UBR3: variants seen among roughly 807,000 people sequenced by gnomAD.
The protein encoded by UBR3 is ubiquitin protein ligase E3 component n-recognin 3, also known as E3 ubiquitin-protein ligase UBR3.
Under a neutral mutation model 243.2 loss-of-function variants are expected in UBR3, and 85 were observed. That is an observed-to-expected ratio of 0.35 (90% CI 0.29 to 0.42). UBR3 has a LOEUF of 0.42. UBR3 is among the 10% of genes least tolerant of loss of function. UBR3 has a pLI of 1.00. For missense variants in UBR3, 1,686 were observed against 2,300.8 expected (o/e 0.73, Z 5.47); for synonymous variants, 748 against 799.8 (o/e 0.94, Z 1.09).
chr2:170,001,532 A>G (rs948524856), intron 27 of UBR3, 118 bp downstream of exon 27: 4 of 632,322 alleles, frequency 6.3e-6, no homozygotes, highest in Non-Finnish European at 1.1e-5. Flanking sequence ...ATCATCGTAT[A>G]AACTATCCAG....
rs371218960 is a variant in UBR3, at chr2:170,018,024, A to T, written c.4453+2658A>T. Among the ~76,000 whole-genome samples, 16 of 152,292 alleles carry T rather than the reference A, an allele frequency of 1.1e-4. 1 individual carries two copies. Among genetic ancestry groups the T allele is most frequent in the Admixed American group, 6.5e-4 (10 of 15,288 alleles). On this transcript the variant is annotated intron_variant, in intron 30 of 38. Coordinates refer to ENST00000272793, the MANE Select transcript of UBR3 (RefSeq NM_172070.4). Reference sequence around the variant, plus strand: ...AATGTCAGAGCTTGCACTTGAGCCCAGCTCTTCTGACTCTAATTCAGTTAT... The same window carrying T: ...AATGTCAGAGCTTGCACTTGAGCCCTGCTCTTCTGACTCTAATTCAGTTAT...
chr2:169,877,172 G>T (rs1275913473), intron 3 of UBR3, among the ~76,000 whole-genome samples: 1 of 152,096 alleles, frequency 6.6e-6, no homozygotes, highest in Non-Finnish European at 1.5e-5. Flanking sequence ...TTACCTCTCT[G>T]ACTTTCTTTA....
Position 170,077,310 on chromosome 2 carries a change from C to T in UBR3, c.5200-2504C>T. ...TATTTTCCCCAAATAACCTTGCCTC[C>T]TTGTGTCACAAGGCCCAACTCACAT... is the stretch of plus-strand genomic sequence containing the variant. On this transcript the variant is annotated intron_variant, in intron 36 of 38. Coordinates refer to ENST00000272793, the MANE Select transcript of UBR3 (RefSeq NM_172070.4). 5 of 774,516 alleles carry T rather than the reference C, an allele frequency of 6.5e-6. No homozygotes were observed. In the South Asian group the frequency reaches 6.7e-5, roughly 10 times the overall value. The allele number at this position is 774,516 out of a possible 1,614,324, so 48.0% of individuals were successfully genotyped here. A position where few individuals can be genotyped will look rare whatever the true frequency, so the allele number is the denominator to read the frequency against.
At chr2:169,998,276 G>A (rs1198016337) in intron 26 of UBR3, among the ~76,000 whole-genome samples, 1 of 152,120 alleles carries the variant, frequency 6.6e-6, no homozygotes, top group Non-Finnish European at 1.5e-5. Context: ...TCTAATAAAT[G>A]GGAGCAAAAA....
At chr2:169,985,039 G>T (rs2088933916) in intron 24 of UBR3, among the ~76,000 whole-genome samples, 1 of 151,392 alleles carries the variant, frequency 6.6e-6, no homozygotes, top group African/African-American at 2.4e-5. Context: ...ATCTTTATGT[G>T]TGAGATAGGG....
intron 32 of UBR3, among the ~76,000 whole-genome samples, 155 bp downstream of exon 32, chr2:170,041,140 C>T (rs947218233): frequency 6.6e-6 from 1 of 152,066 alleles, no homozygotes; most frequent in Middle Eastern, 3.4e-3. Flanking sequence ...CACAGGAGCT[C>T]GAGACCAGCC....
chr2:169,980,881 GCA>G (rs1026493274), intron 24 of UBR3, among the ~76,000 whole-genome samples: 2 of 149,746 alleles, frequency 1.3e-5, no homozygotes, highest in African/African-American at 4.9e-5. Context: ...CAGGGAACAT[GCA>G]GGGTGGATCT....
chr2:170,081,268 G>A (rs1200978455), intron 38 of UBR3, among the ~76,000 whole-genome samples: 1 of 152,204 alleles, frequency 6.6e-6, no homozygotes, highest in Non-Finnish European at 1.5e-5. Flanking sequence ...GGAGGCCGAG[G>A]TGGGTGGATC....
At chr2:170,073,955 T>A (rs974377507) in intron 36 of UBR3, among the ~76,000 whole-genome samples, 1 of 152,154 alleles carries the variant, frequency 6.6e-6, no homozygotes, top group African/African-American at 2.4e-5. Context: ...TTAAAACAAA[T>A]TGGACTAGCA....
intron 7 of UBR3, among the ~76,000 whole-genome samples, chr2:169,896,035 G>A (rs574512097): frequency 2.6e-5 from 4 of 152,230 alleles, no homozygotes; most frequent in African/African-American, 4.8e-5. Flanking sequence ...GGTAGCTCAC[G>A]TCTGTAGTCC....
At chr2:170,035,229 T>A (rs1403717215) in intron 31 of UBR3, among the ~76,000 whole-genome samples, 1 of 152,044 alleles carries the variant, frequency 6.6e-6, no homozygotes. Context: ...TTTGGTGTTA[T>A]ATCTAAAAAG....
At chr2:170,006,451 G>A (rs924109938) in intron 27 of UBR3, among the ~76,000 whole-genome samples, 3 of 152,146 alleles carry the variant, frequency 2.0e-5, no homozygotes, top group Admixed American at 6.5e-5. Flanking sequence ...AAGTACTTGA[G>A]ATGCAAGATA....
At position 170,079,943 on chromosome 2, in the gene UBR3, G is replaced by A. The variant is rs1159013906; in HGVS notation, c.5329G>A (p.Ala1777Thr). The change falls in exon 37 of 39, where the codon GCT becomes ACT. Residue 1777 changes from alanine to threonine, a missense_variant. Ala to Thr is a moderately conservative substitution (Grantham distance 58). Transcript: ENST00000272793. ...CTGCACCAAGGTTCCTAAAGATCCT[G>A]CTGTTTGCCTTGTGTGTGGTACTTT... The part of the protein sequence containing the change: ...SVCTKVPKDP[A>T]VCLVCGTFVC... The A allele has an allele frequency of 6.2e-7, 1 of 1,614,078 alleles. No homozygotes were observed. The highest frequency in any genetic ancestry group is 1.7e-5 in the Admixed American group (1 of 60,012).
At chr2:169,944,903 G>A (rs888445760) in intron 20 of UBR3, among the ~76,000 whole-genome samples, 2 of 152,090 alleles carry the variant, frequency 1.3e-5, no homozygotes, top group Non-Finnish European at 2.9e-5. Context: ...AGCTGGTTGT[G>A]TGGCTGAGCC....
rs374788614 is a variant in UBR3, at chr2:169,994,346, G to A, written c.3808G>A (p.Val1270Ile). The change falls in exon 26 of 39, where the codon GTT becomes ATT. Residue 1270 changes from valine to isoleucine, a missense_variant. Physicochemically the swap from Val to Ile is conservative, Grantham distance 29. Transcript: ENST00000272793. Reference protein sequence around the residue: ...SSVLGQCRDNVEPKKLPISEE... With the variant: ...SSVLGQCRDNIEPKKLPISEE... ...AGTTTTGGGGCAGTGCCGTGACAAT[G>A]TTGAGCCAAAAAAGTTGCCGATCAG... 56 of 1,613,996 alleles carry A rather than the reference G, an allele frequency of 3.5e-5. No individual in the cohort carries two copies. Among genetic ancestry groups the A allele is most frequent in the Non-Finnish European group, 4.6e-5 (54 of 1,180,020 alleles).
At chr2:169,960,631 A>T (rs569976408) in intron 24 of UBR3, among the ~76,000 whole-genome samples, 1 of 152,170 alleles carries the variant, frequency 6.6e-6, no homozygotes, top group East Asian at 1.9e-4. Context: ...CTATTGTAGT[A>T]GTCAGTATCT....
intron 24 of UBR3, among the ~76,000 whole-genome samples, chr2:169,984,074 T>A (rs2088883871): frequency 6.6e-6 from 1 of 152,210 alleles, no homozygotes; most frequent in Admixed American, 6.5e-5. Context: ...TTACCTAGAT[T>A]GTAAATCATT....
At chr2:169,931,094 G>A (rs1020506074) in intron 18 of UBR3, among the ~76,000 whole-genome samples, 2 of 152,226 alleles carry the variant, frequency 1.3e-5, no homozygotes, top group African/African-American at 4.8e-5. Context: ...GCTCACGCCT[G>A]TAATCCCAGC....
At chr2:169,954,010 A>T (rs1259006510) in intron 23 of UBR3, among the ~76,000 whole-genome samples, 1 of 152,192 alleles carries the variant, frequency 6.6e-6, no homozygotes, top group Admixed American at 6.6e-5. Context: ...GATGGATTTA[A>T]TTTTAAAAAG....
Sources: allele counts gnomAD v4.1 joint callset (sites outside exome capture counted in the v4.1 genomes callset), GRCh38; gene constraint gnomAD v4.1.1; transcripts MANE v1.5; gene names NCBI Gene and HGNC (gene_info 2026-07-23, HGNC 2026-07-21).